The following BOD1L1 variants were observed in gnomAD, a reference collection of about 807,000 sequenced individuals.
The protein encoded by BOD1L1 is biorientation of chromosomes in cell division protein 1-like 1.
BOD1L1 carries 86 observed loss-of-function variants against 240.7 expected under a neutral mutation model. The ratio of observed to expected loss-of-function variants is 0.36; its 90% confidence interval spans 0.30 to 0.43. The LOEUF (loss-of-function observed/expected upper bound fraction) is 0.43, where lower values mean the gene tolerates loss of function less well. BOD1L1 is among the 20% of genes least tolerant of loss of function. BOD1L1 has a pLI of 1.00. For missense variants in BOD1L1, 3,554 were observed against 3,643.5 expected, an observed-to-expected ratio of 0.98 and a Z score of 0.63; for synonymous variants, 1,268 against 1,272.3, an observed-to-expected ratio of 1.00 and a Z score of 0.07.
chr4:13,599,318 C>A lies in BOD1L1; in HGVS notation c.7582G>T (p.Ala2528Ser), dbSNP rs2108936442. 2 of 1,613,788 alleles carry A rather than the reference C, an allele frequency of 1.2e-6. No individual in the cohort carries two copies. Among genetic ancestry groups the A allele is most frequent in the Non-Finnish European group, 1.7e-6 (2 of 1,179,846 alleles). The change falls in exon 10 of 26, where the codon GCA (alanine) becomes TCA (serine). Residue 2528 changes from alanine to serine, a missense_variant. Ala to Ser is a moderately conservative substitution (Grantham distance 99). This residue lies in a region of BOD1L1 where 3,393 missense variants were observed against 3,427.1 expected (regional missense o/e 0.99). Transcript: ENST00000040738. ...GCTTTTATAGCACCGGTGTTTACTGCTGCCAAATAGCGAATGCTGACAGAG... is the reference window on the plus strand; with the variant it reads ...GCTTTTATAGCACCGGTGTTTACTGATGCCAAATAGCGAATGCTGACAGAG... ...DPSVSIRYLA[A>S]VNTGAIKADD...
rs1208256175 is a variant in BOD1L1 at position 13,599,269 on chromosome 4, C to T, written c.7631G>A (p.Gly2544Glu). 4 of 1,613,634 alleles carry T rather than the reference C, an allele frequency of 2.5e-6. No homozygotes were observed. Among genetic ancestry groups the T allele is most frequent in the African/African-American group, 1.3e-5 (1 of 74,918 alleles). The change falls in exon 10 of 26, where the codon GGG becomes GAG. Residue 2544 changes from glycine (G) to glutamate (E), a missense_variant. Around this residue, in one of 2 missense-constraint regions of BOD1L1, gnomAD observed 3,393 missense variants for 3,427.1 expected, o/e 0.99. Transcript: ENST00000040738. ...AAGAAAGGAATGCTCAGCCACGGTC[C>T]CTTGAACAGGTGGCATGTCATCAGC... The part of the protein sequence containing the change: ...IKADDMPPVQ[G>E]TVAEHSFLPA...
chr4:13,612,119 T>G (rs1443082054), intron 5 of BOD1L1, among the ~76,000 whole-genome samples: 1 of 152,174 alleles, frequency 6.6e-6, no homozygotes, highest in Non-Finnish European at 1.5e-5. Context: ...GCTGACCTCA[T>G]GAGGACAGAT....
intron 1 of BOD1L1, chr4:13,625,795 T>A (rs1419478521): frequency 6.6e-6 from 1 of 152,122 alleles, no homozygotes; most frequent in African/African-American, 2.4e-5. Context: ...AAAACTATAC[T>A]TCCTAAATAG....
In BOD1L1 at chr4:13,569,233, C is replaced by G. The variant is rs1311247964; in HGVS notation, c.*778G>C. The G allele has an allele frequency of 6.6e-6, 1 of 152,196 alleles. No homozygotes were observed. Among genetic ancestry groups the G allele is most frequent in the Admixed American group, 6.5e-5 (1 of 15,276 alleles). The allele number at this position is 152,196 out of a possible 1,614,324, so 9.4% of individuals were successfully genotyped here. A position where few individuals can be genotyped will look rare whatever the true frequency, so the allele number is the denominator to read the frequency against. On this transcript the variant is annotated 3_prime_UTR_variant, in exon 26 of 26. Transcript: ENST00000040738. ...AGAGAAGAGGAATGAAGAGGGATTTCTGCTGCAGGTGACTGACGCAACTTT... is the reference window on the plus strand; with the variant it reads ...AGAGAAGAGGAATGAAGAGGGATTTGTGCTGCAGGTGACTGACGCAACTTT...
intron 9 of BOD1L1, among the ~76,000 whole-genome samples, chr4:13,605,698 T>G (rs897626434): frequency 3.3e-5 from 5 of 152,176 alleles, no homozygotes; most frequent in African/African-American, 1.2e-4. Context: ...AATTTAAAAT[T>G]GAAATATACT....
intron 14 of BOD1L1, 100 bp from the exon 15 acceptor site, chr4:13,588,892 G>A (rs1454877249): frequency 6.3e-6 from 5 of 795,828 alleles, no homozygotes; most frequent in African/African-American, 1.8e-5. Flanking sequence ...AACTGAGTTA[G>A]TAACTTTATT....
rs10024070 is a variant in BOD1L1 at position 13,578,116 on chromosome 4, G to T, written c.8750-485C>A. On this transcript the variant is annotated intron_variant, in intron 22 of 25. Coordinates refer to ENST00000040738, the MANE Select transcript of BOD1L1 (RefSeq NM_148894.3). Reference sequence around the variant, plus strand: ...AGACGGGGTTTCACCATGTTGGCCAGGCTACTCTTGAACTCCTGACCTCAG... The same window carrying T: ...AGACGGGGTTTCACCATGTTGGCCATGCTACTCTTGAACTCCTGACCTCAG... 4.6e-3 allele frequency: 705 copies of T among 154,576 alleles called. 6 individuals are homozygous for T. Among genetic ancestry groups the T allele is most frequent in the African/African-American group, 0.016 (667 of 41,476 alleles). 9.6% of individuals were successfully genotyped at this position (154,576 alleles called of 1,614,324 possible).
At chr4:13,573,470 A>ATCTATCTATCTATCTATC (rs71169517) in intron 25 of BOD1L1, among the ~76,000 whole-genome samples, 1 of 122,632 alleles carries the variant, frequency 8.2e-6, no homozygotes, top group Non-Finnish European at 1.8e-5. Context: ...CTATCTATCT[A>ATCTATCTATCTATCTATC]TCTTTCTTTC....
Position 13,601,131 on chromosome 4 carries a change from G to T in BOD1L1, c.5769C>A (p.Ile1923=). ...EHVEAEAGAA[I]MNANENNVDS... is the part of the protein sequence containing the mutation. ...CAACATTATTTTCATTTGCATTCATGATGGCAGCTCCAGCCTCAGCTTCCA... is the reference window on the plus strand; with the variant it reads ...CAACATTATTTTCATTTGCATTCATTATGGCAGCTCCAGCCTCAGCTTCCA... Residue 1923 remains isoleucine (I), a synonymous_variant, in exon 10 of 26, where the codon ATC becomes ATA. Transcript: ENST00000040738. The T allele has an allele frequency of 1.2e-6, 2 of 1,613,936 alleles. No individual in the cohort carries two copies. Among genetic ancestry groups the T allele is most frequent in the Non-Finnish European group, 1.7e-6 (2 of 1,179,884 alleles).
chr4:13,597,150 A>C lies in BOD1L1; in HGVS notation c.7973T>G (p.Leu2658Trp). Reference protein sequence around the residue: ...VCDIGNEESPLNVLGGLKLKA... With the variant: ...VCDIGNEESPWNVLGGLKLKA... ...CAGTTTCAATCCTCCCAAAACATTC[A>C]ATGGAGACTCTTCATTGCCTAATAA... is the stretch of plus-strand genomic sequence containing the variant. The change falls in exon 11 of 26, where the codon TTG becomes TGG. Residue 2658 changes from leucine (L) to tryptophan (W), a missense_variant. Leu to Trp is a moderately conservative substitution (Grantham distance 61). Around this residue, in one of 2 missense-constraint regions of BOD1L1, gnomAD observed 3,393 missense variants for 3,427.1 expected, o/e 0.99. Transcript: ENST00000040738. The C allele has an allele frequency of 6.3e-7, 1 of 1,594,892 alleles. No homozygotes were observed. The highest frequency in any genetic ancestry group is 1.1e-5 in the South Asian group (1 of 87,980).
In BOD1L1 at chr4:13,590,461, T is replaced by C; in HGVS notation, c.8149-15A>G. Reference sequence around the variant, plus strand: ...GAATTTTCAACCTAAATATACAATATAAAAGATATTTATGGATAGTCTCAC... The same window carrying C: ...GAATTTTCAACCTAAATATACAATACAAAAGATATTTATGGATAGTCTCAC... On this transcript the variant is annotated splice_polypyrimidine_tract_variant and intron_variant, in intron 13 of 25. Transcript: ENST00000040738. 7.3e-7 allele frequency: 1 copy of C among 1,361,552 alleles called. No individual in the cohort carries two copies. The highest frequency in any genetic ancestry group is 1.0e-6 in the Non-Finnish European group (1 of 989,774). The allele number at this position is 1,361,552 out of a possible 1,614,324, so 84.3% of individuals were successfully genotyped here. A position where few individuals can be genotyped will look rare whatever the true frequency, so the allele number is the denominator to read the frequency against.
intron 25 of BOD1L1, among the ~76,000 whole-genome samples, chr4:13,571,612 T>C (rs1423232307): frequency 2.0e-5 from 3 of 152,218 alleles, no homozygotes; most frequent in African/African-American, 4.8e-5. Context: ...CTTCGTAGTT[T>C]ATCCAGGCCC....
intron 13 of BOD1L1, among the ~76,000 whole-genome samples, chr4:13,591,171 C>G (rs989750507): frequency 6.6e-5 from 10 of 152,274 alleles, no homozygotes; most frequent in South Asian, 4.1e-4. Context: ...TCCTCAGTAG[C>G]TGGGACTATA....
intron 22 of BOD1L1, among the ~76,000 whole-genome samples, chr4:13,578,907 C>G (rs1490393201): frequency 6.6e-6 from 1 of 152,170 alleles, no homozygotes. Context: ...AGGGTGCATA[C>G]ATACATTCTT....
chr4:13,597,684 T>C (rs1218626451), intron 10 of BOD1L1, among the ~76,000 whole-genome samples: 1 of 152,198 alleles, frequency 6.6e-6, no homozygotes, highest in African/African-American at 2.4e-5. Flanking sequence ...TATCCTTCTT[T>C]AGATTGTGTA....
intron 9 of BOD1L1, 99 bp downstream of exon 9, chr4:13,607,018 T>C: frequency 2.4e-6 from 2 of 818,246 alleles, no homozygotes; most frequent in Non-Finnish European, 3.6e-6. Flanking sequence ...TTTATTTGAC[T>C]TGAAAAAAGT....
Position 13,577,608 on chromosome 4 carries a change from T to C in BOD1L1, c.8773A>G (p.Asn2925Asp). 1 of 1,562,024 alleles carries C rather than the reference T, an allele frequency of 6.4e-7. No homozygotes were observed. Among genetic ancestry groups the C allele is most frequent in the South Asian group, 1.2e-5 (1 of 86,020 alleles). Residue 2925 changes from asparagine to aspartate, a missense_variant, in exon 23 of 26, where the codon AAC becomes GAC. Transcript: ENST00000040738. ...QTDESNKETANLQERSISNDD... is the reference protein window; with the variant it reads ...QTDESNKETADLQERSISNDD... ...TTGCTTATACTTCTTTCTTGTAGGT[T>C]AGCTGTTTCTTTATTGGATTCATCT...
Position 13,607,182 on chromosome 4 carries a change from C to T in BOD1L1, c.1750G>A (p.Glu584Lys), listed in dbSNP as rs1244937972. The change falls in exon 9 of 26, where the codon GAA becomes AAA. Residue 584 changes from glutamate to lysine, a missense_variant. This residue lies in a region of BOD1L1 where 3,393 missense variants were observed against 3,427.1 expected (regional missense o/e 0.99). Coordinates refer to ENST00000040738, the MANE Select transcript of BOD1L1 (RefSeq NM_148894.3). ...TGCTGTTTCTTTTTGGAGTTCTCTT[C>T]AACATTCCTAAGGGGGAAAGAGTCA... ...KKRKKDSRNV[E>K]ENSKKKQQYE... The T allele has an allele frequency of 7.7e-6, 12 of 1,568,336 alleles. No individual in the cohort carries two copies. The highest frequency in any genetic ancestry group is 1.0e-5 in the Non-Finnish European group (12 of 1,157,234).
intron 25 of BOD1L1, among the ~76,000 whole-genome samples, chr4:13,571,979 C>A (rs1712245008): frequency 6.6e-6 from 1 of 152,090 alleles, no homozygotes; most frequent in South Asian, 2.1e-4. Context: ...GGTAAGAGGT[C>A]AAAACAGTTT....
Sources: gnomAD v4.1 joint callset for allele counts (sites outside exome capture counted in the v4.1 genomes callset) on GRCh38, gnomAD v4.1.1 for gene constraint, gnomAD v4.1.1 regional missense constraint, MANE v1.5 for transcripts, NCBI Gene and HGNC (gene_info 2026-07-23, HGNC 2026-07-21) for gene names.